The following MALRD1 variants were observed in gnomAD, a reference collection of about 807,000 sequenced individuals.
MALRD1 encodes the protein MAM and LDL receptor class A domain containing 1, also known as MAM and LDL-receptor class A domain-containing protein 1.
MALRD1 carries 247 observed loss-of-function variants against 242.1 expected under a neutral mutation model. That is an observed-to-expected ratio of 1.02 (90% CI 0.92 to 1.13). MALRD1 has a LOEUF of 1.13. Ranked by LOEUF, MALRD1 falls within the 50% of genes most tolerant of loss-of-function variation. The probability of loss-of-function intolerance (pLI) is 0.00; values close to 1 mark genes in which losing one functional copy is unlikely to be tolerated. For missense variants in MALRD1, 2,989 were observed against 2,533.1 expected, an observed-to-expected ratio of 1.18 and a Z score of -3.86; for synonymous variants, 995 against 866.6, an observed-to-expected ratio of 1.15 and a Z score of -2.60.
At chr10:19,279,320 G>C (rs1440616537) in intron 19 of MALRD1, among the ~76,000 whole-genome samples, 1 of 152,214 alleles carries the variant, frequency 6.6e-6, no homozygotes, top group Admixed American at 6.5e-5. Context: ...ATGAAAGCCT[G>C]AAGGGGCTCA....
chr10:19,407,477 T>A (rs1218933693), intron 28 of MALRD1, among the ~76,000 whole-genome samples: 1 of 152,026 alleles, frequency 6.6e-6, no homozygotes, highest in African/African-American at 2.4e-5. Context: ...GCAAGCCCTG[T>A]TTCTTAAAAA....
At chr10:19,580,991 T>A (rs1190008982) in intron 33 of MALRD1, among the ~76,000 whole-genome samples, 3 of 152,116 alleles carry the variant, frequency 2.0e-5, no homozygotes, top group Admixed American at 1.3e-4. Flanking sequence ...GTTAAATATA[T>A]GGAAATGAAA....
intron 27 of MALRD1, 31 bp from the exon 28 acceptor site, chr10:19,389,421 G>T (rs539048472): frequency 7.8e-6 from 12 of 1,544,544 alleles, no homozygotes; most frequent in Non-Finnish European, 8.8e-6. Context: ...TTGTTATTTC[G>T]TTCTTCTCTG....
chr10:19,590,278 A>G (rs994047556), intron 33 of MALRD1, among the ~76,000 whole-genome samples: 11 of 148,150 alleles, frequency 7.4e-5, no homozygotes, highest in Non-Finnish European at 1.0e-4. Flanking sequence ...ATATATACAT[A>G]TTTTATATAC....
At chr10:19,450,212 A>G (rs1356905949) in intron 28 of MALRD1, 95 bp from the exon 29 acceptor site, 10 of 1,067,582 alleles carry the variant, frequency 9.4e-6, no homozygotes, top group African/African-American at 1.6e-5. Context: ...TTATTGGTCA[A>G]ATGCTTCTGA....
At chr10:19,309,681 G>A (rs1313803845) in intron 21 of MALRD1, among the ~76,000 whole-genome samples, 1 of 151,512 alleles carries the variant, frequency 6.6e-6, no homozygotes, top group Non-Finnish European at 1.5e-5. Context: ...TCTAAAAAGA[G>A]TTGACAGATT....
intron 35 of MALRD1, 145 bp from the exon 36 acceptor site, chr10:19,615,712 C>G (rs1839122909): frequency 4.8e-6 from 3 of 625,996 alleles, no homozygotes; most frequent in Admixed American, 3.2e-5. Context: ...AGGAAAGTAG[C>G]CTATGGGAAT....
At chr10:19,441,332 C>A (rs1264318050) in intron 28 of MALRD1, among the ~76,000 whole-genome samples, 1 of 152,164 alleles carries the variant, frequency 6.6e-6, no homozygotes, top group Non-Finnish European at 1.5e-5. Context: ...TGTGCAGAAG[C>A]TCTTTCATTT....
At chr10:19,270,447 A>G (rs894600355) in intron 19 of MALRD1, among the ~76,000 whole-genome samples, 1 of 151,948 alleles carries the variant, frequency 6.6e-6, no homozygotes, top group African/African-American at 2.4e-5. Context: ...ATTCCTAGAA[A>G]TGTTAACTAT....
intron 36 of MALRD1, among the ~76,000 whole-genome samples, chr10:19,665,198 G>A (rs551624616): frequency 3.2e-4 from 49 of 152,176 alleles, no homozygotes; most frequent in Admixed American, 1.9e-3. Flanking sequence ...GGCTTACATA[G>A]CATCCTAACA....
At chr10:19,729,822 C>T (rs1467852534) in intron 38 of MALRD1, among the ~76,000 whole-genome samples, 26 of 147,422 alleles carry the variant, frequency 1.8e-4, no homozygotes, top group Admixed American at 1.4e-3. Context: ...CTGCAAGCTC[C>T]GCCTCCCGGG....
chr10:19,557,797 G>A lies in MALRD1; in HGVS notation c.5479-9705G>A, dbSNP rs1346626188. ...TTTAAACTTCCAAGTGAGCCTCTCA[G>A]TATCCTCAAAATAACTTGCTAGGAC... On this transcript the variant is annotated intron_variant, in intron 32 of 39. Transcript: ENST00000454679. 2.0e-5 allele frequency among the ~76,000 whole-genome samples: 3 copies of A among 152,060 alleles called. No homozygotes were observed. In the East Asian group the frequency reaches 5.8e-4, roughly 29 times the overall value.
At chr10:19,086,022 C>A (rs561504370) in intron 2 of MALRD1, among the ~76,000 whole-genome samples, 2 of 152,098 alleles carry the variant, frequency 1.3e-5, no homozygotes, top group South Asian at 4.1e-4. Context: ...CTGCAAGAGC[C>A]AACTAATGAT....
chr10:19,620,764 A>G (rs1226811350), intron 36 of MALRD1, among the ~76,000 whole-genome samples: 1 of 152,052 alleles, frequency 6.6e-6, no homozygotes, highest in African/African-American at 2.4e-5. Flanking sequence ...AAAATAAATG[A>G]TGAGTGAATG....
chr10:19,357,333 A>C (rs2078223766), intron 26 of MALRD1, among the ~76,000 whole-genome samples: 1 of 151,976 alleles, frequency 6.6e-6, no homozygotes, highest in African/African-American at 2.4e-5. Context: ...GTAACTGCCC[A>C]TGTAATTTAC....
At chr10:19,589,521 C>G (rs533126743) in intron 33 of MALRD1, among the ~76,000 whole-genome samples, 1 of 152,214 alleles carries the variant, frequency 6.6e-6, no homozygotes, top group African/African-American at 2.4e-5. Flanking sequence ...GAAACACTCC[C>G]TAAAGCACAT....
chr10:19,081,299 A>G (rs1029706827), intron 2 of MALRD1, among the ~76,000 whole-genome samples: 5 of 152,198 alleles, frequency 3.3e-5, no homozygotes, highest in African/African-American at 1.2e-4. Context: ...ATTCTATTAT[A>G]AAGACACATA....
chr10:19,413,690 T>A (rs1031119852), intron 28 of MALRD1, among the ~76,000 whole-genome samples: 7 of 152,092 alleles, frequency 4.6e-5, no homozygotes, highest in African/African-American at 7.2e-5. Context: ...AGGTTTTTTT[T>A]AAATGATTTT....
intron 38 of MALRD1, among the ~76,000 whole-genome samples, chr10:19,723,280 G>A (rs1231432056): frequency 6.6e-6 from 1 of 152,182 alleles, no homozygotes; most frequent in Non-Finnish European, 1.5e-5. Flanking sequence ...CAGCTGCATT[G>A]TAATTATCCT....
Sources: allele counts gnomAD v4.1 joint callset (sites outside exome capture counted in the v4.1 genomes callset), GRCh38; gene constraint gnomAD v4.1.1; transcripts MANE v1.5; gene names NCBI Gene and HGNC (gene_info 2026-07-23, HGNC 2026-07-21).